The following EMSY variants were observed in gnomAD, a reference collection of about 807,000 sequenced individuals.
EMSY encodes BRCA2-interacting transcriptional repressor EMSY.
EMSY carries 26 observed loss-of-function variants against 134.6 expected under a neutral mutation model. That is an observed-to-expected ratio of 0.19 (90% CI 0.14 to 0.27). EMSY has a LOEUF of 0.27. Among genes scored for constraint, EMSY ranks in the 10% least tolerant of loss-of-function variants. The probability of loss-of-function intolerance (pLI) is 1.00; values close to 1 mark genes in which losing one functional copy is unlikely to be tolerated. For synonymous variants in EMSY, 579 were observed against 577.8 expected, an observed-to-expected ratio of 1.00 and a Z score of -0.03; for missense variants, 1,305 against 1,611.4, an observed-to-expected ratio of 0.81 and a Z score of 3.26.
At chr11:76,536,347 C>A (rs1951224290) in intron 15 of EMSY, among the ~76,000 whole-genome samples, 1 of 152,012 alleles carries the variant, frequency 6.6e-6, no homozygotes, top group African/African-American at 2.4e-5. Flanking sequence ...ATGGACAGTC[C>A]TATTGTTCCT....
exon 19 of EMSY, chr11:76,544,745 A>G: frequency 6.2e-7 from 1 of 1,614,154 alleles, no homozygotes; most frequent in Non-Finnish European, 8.5e-7. Context: ...GAACCAACCA[A>G]AAATCTACGT....
chr11:76,447,049 CT>C (rs778711970), intron 2 of EMSY, 41 bp downstream of exon 2: 9 of 1,586,144 alleles, frequency 5.7e-6, no homozygotes, highest in Middle Eastern at 1.7e-4. Flanking sequence ...TCTCTGATAC[CT>C]TTTTTCCCTT....
chr11:76,479,306 C>T lies in EMSY; in HGVS notation c.1108+6466C>T, dbSNP rs111379188. Among the ~76,000 whole-genome samples, 709 of 152,318 alleles carry T rather than the reference C, an allele frequency of 4.7e-3. 4 individuals are homozygous for T. Among genetic ancestry groups the T allele is most frequent in the African/African-American group, 0.014 (598 of 41,558 alleles). On this transcript the variant is annotated intron_variant, in intron 8 of 20. Coordinates refer to ENST00000334736, the Ensembl canonical transcript of EMSY. ...GTAAATTGTAATTAAAACACAGGTGCACACCACACAGTTTATTCAGCGTTC... is the reference window on the plus strand; with the variant it reads ...GTAAATTGTAATTAAAACACAGGTGTACACCACACAGTTTATTCAGCGTTC...
chr11:76,547,056 G>C (rs555717549), intron 20 of EMSY: 1 of 455,004 alleles, frequency 2.2e-6, no homozygotes, highest in Non-Finnish European at 4.4e-6. Flanking sequence ...CTGAGTCCAG[G>C]CTACCCCTTA....
intron 15 of EMSY, among the ~76,000 whole-genome samples, chr11:76,537,339 T>C (rs933253104): frequency 6.6e-6 from 1 of 152,238 alleles, no homozygotes; most frequent in African/African-American, 2.4e-5. Context: ...TGGAGATATC[T>C]TGAATTTTTA....
intron 2 of EMSY, among the ~76,000 whole-genome samples, chr11:76,450,057 C>CTT (rs11334942): frequency 7.6e-6 from 1 of 131,024 alleles, no homozygotes; most frequent in African/African-American, 2.8e-5. Flanking sequence ...TGTACATTTG[C>CTT]TTTTTTTTTT....
At chr11:76,547,553 C>T (rs765233198) in intron 20 of EMSY, among the ~76,000 whole-genome samples, 5 of 152,116 alleles carry the variant, frequency 3.3e-5, no homozygotes, top group Non-Finnish European at 5.9e-5. Flanking sequence ...GTCATTTTGC[C>T]TTGGATTTCT....
At chr11:76,516,098 G>T (rs761343728) in intron 10 of EMSY, 44 bp from the exon 12 acceptor site, 6 of 1,503,140 alleles carry the variant, frequency 4.0e-6, no homozygotes, top group Non-Finnish European at 5.5e-6. Flanking sequence ...TCATTCTTCT[G>T]TAAGCAATGA....
chr11:76,536,942 CAGTG>C (rs1951244903), intron 15 of EMSY, among the ~76,000 whole-genome samples: 1 of 152,168 alleles, frequency 6.6e-6, no homozygotes, highest in East Asian at 1.9e-4. Flanking sequence ...GTTATGTACT[CAGTG>C]GGTATGAACA....
At chr11:76,515,914 A>G (rs558201197) in intron 10 of EMSY, among the ~76,000 whole-genome samples, 3 of 152,234 alleles carry the variant, frequency 2.0e-5, no homozygotes, top group African/African-American at 7.2e-5. Context: ...TTGATGCAAC[A>G]CATCACAAAA....
chr11:76,446,924 C>G (rs1947439184), exon 2 of EMSY: 4 of 1,610,368 alleles, frequency 2.5e-6, no homozygotes, highest in Non-Finnish European at 3.4e-6. Context: ...TTGGGGCTAC[C>G]AAACAGAAGC....
chr11:76,532,539 A>G (rs1951081661), intron 14 of EMSY, among the ~76,000 whole-genome samples: 1 of 152,022 alleles, frequency 6.6e-6, no homozygotes, highest in South Asian at 2.1e-4. Flanking sequence ...TTCTTCCTAA[A>G]TGGGCTTTTT....
chr11:76,491,030 C>T (rs1949399663), intron 8 of EMSY, among the ~76,000 whole-genome samples: 1 of 152,156 alleles, frequency 6.6e-6, no homozygotes, highest in South Asian at 2.1e-4. Context: ...ACTTATATAT[C>T]AGTTTCCTGA....
chr11:76,493,089 G>A (rs1590884633), intron 8 of EMSY, among the ~76,000 whole-genome samples: 1 of 152,248 alleles, frequency 6.6e-6, no homozygotes, highest in Non-Finnish European at 1.5e-5. Flanking sequence ...AGTCTCCGAA[G>A]TGCCTGCTCC....
chr11:76,447,045 A>T, intron 2 of EMSY, 37 bp downstream of exon 2: 1 of 1,599,754 alleles, frequency 6.3e-7, no homozygotes, highest in Non-Finnish European at 8.6e-7. Context: ...CCTCTCTCTG[A>T]TACCTTTTTT....
At chr11:76,522,183 T>C (rs1401777859) in intron 11 of EMSY, among the ~76,000 whole-genome samples, 1 of 152,052 alleles carries the variant, frequency 6.6e-6, no homozygotes, top group Non-Finnish European at 1.5e-5. Flanking sequence ...GAGGGCAAAG[T>C]AATACTGTGT....
At chr11:76,522,354 T>TC (rs1950675256) in intron 11 of EMSY, among the ~76,000 whole-genome samples, 1 of 13,904 alleles carries the variant, frequency 7.2e-5, no homozygotes, top group African/African-American at 1.7e-4. Flanking sequence ...TTACTTTGCT[T>TC]TTTTTTTTTT....
rs375057304 is a variant in EMSY at position 76,503,677 on chromosome 11, A to G, written c.1363+7208A>G. ...ACTCTTAGAAAAAAACTTAGGGTAA[A>G]TCTCTAACATACTGGATTTGGCAAA... On this transcript the variant is annotated intron_variant, in intron 9 of 20. Coordinates refer to ENST00000334736, the Ensembl canonical transcript of EMSY. Among the ~76,000 whole-genome samples the G allele has an allele frequency of 2.1e-4, 32 of 152,318 alleles. 2 individuals are homozygous for G. The highest frequency in any genetic ancestry group is 3.4e-3 in the Middle Eastern group (1 of 294).
intron 18 of EMSY, 21 bp downstream of exon 19, chr11:76,542,388 T>A (rs1951471717): frequency 5.0e-6 from 8 of 1,609,458 alleles, no homozygotes; most frequent in Non-Finnish European, 6.8e-6. Context: ...TTCTTTTTCT[T>A]CCTATCTTCT....
Sources: gnomAD v4.1 joint callset for allele counts (sites outside exome capture counted in the v4.1 genomes callset) on GRCh38, gnomAD v4.1.1 for gene constraint, MANE v1.5 for transcripts, NCBI Gene and HGNC (gene_info 2026-07-23, HGNC 2026-07-21) for gene names.